The following NDUFAF2 variants were observed in gnomAD, a reference collection of about 807,000 sequenced individuals.
NDUFAF2 encodes the protein NADH:ubiquinone oxidoreductase complex assembly factor 2.
A neutral mutation model predicts 22.8 loss-of-function variants in NDUFAF2; 13 were observed. That is an observed-to-expected ratio of 0.57 (90% CI 0.37 to 0.91). The LOEUF (loss-of-function observed/expected upper bound fraction) is 0.91, where lower values mean the gene tolerates loss of function less well. Ranked by LOEUF, NDUFAF2 falls within the 40% of genes least tolerant of loss-of-function variation. The pLI is 0.01. For synonymous variants in NDUFAF2, 53 were observed against 64.2 expected, an observed-to-expected ratio of 0.83 and a Z score of 0.84; for missense variants, 162 against 195.2, an observed-to-expected ratio of 0.83 and a Z score of 1.01.
intron 3 of NDUFAF2, among the ~76,000 whole-genome samples, chr5:61,106,418 A>AC (rs1752763336): frequency 6.6e-6 from 1 of 151,318 alleles, no homozygotes; most frequent in African/African-American, 2.5e-5. Context: ...TTTTGTGGGT[A>AC]CTTAGTAGGT....
chr5:61,153,016 G>A lies in NDUFAF2; in HGVS notation c.*61G>A. 2 of 1,568,144 alleles carry A rather than the reference G, an allele frequency of 1.3e-6. No homozygotes were observed. Among genetic ancestry groups the A allele is most frequent in the East Asian group, 2.3e-5 (1 of 43,696 alleles). On this transcript the variant is annotated 3_prime_UTR_variant, in exon 4 of 4. Transcript: ENST00000296597. Reference sequence around the variant, plus strand: ...GTGACTATTTTAACAAATAAAAGAAGTGAAAAGTTATTTACCTTGTATTTT... The same window carrying A: ...GTGACTATTTTAACAAATAAAAGAAATGAAAAGTTATTTACCTTGTATTTT...
At chr5:60,963,658 A>G (rs1434363719) in intron 1 of NDUFAF2, among the ~76,000 whole-genome samples, 1 of 152,232 alleles carries the variant, frequency 6.6e-6, no homozygotes, top group Non-Finnish European at 1.5e-5. Context: ...ATACTATATT[A>G]ATAAGCAGAA....
At position 61,082,337 on chromosome 5, in the gene NDUFAF2, A is replaced by G. The variant is rs553006494; in HGVS notation, c.217+9123A>G. 2.0e-5 allele frequency among the ~76,000 whole-genome samples: 3 copies of G among 152,226 alleles called. No homozygotes were observed. The East Asian group carries it at 5.8e-4, about 29-fold the overall frequency. On this transcript the variant is annotated intron_variant, in intron 2 of 3. Transcript: ENST00000296597. ...GGTCTCAAACTCCTGGCCTCAAGCA[A>G]TCCTCCTGCCTCAGCCTCTTAAGAA...
At chr5:61,140,425 A>G (rs78319409) in intron 3 of NDUFAF2, among the ~76,000 whole-genome samples, 3,697 of 152,242 alleles carry the variant, frequency 0.024, 63 homozygotes, top group Non-Finnish European at 0.038. Flanking sequence ...TAGTTGCCAG[A>G]GTCATCTTTT....
rs768889484 is a variant in NDUFAF2 at position 61,035,424 on chromosome 5, G to GTTTTTTTT, written c.128-37680_128-37673dup. On this transcript the variant is annotated intron_variant, in intron 1 of 3. Transcript: ENST00000296597. ...GACAACTCTCTTTCTCTCTTGCTCTGTTTTTTTTTTTTTTTTTTTTTTTTT... is the reference window on the plus strand; with the variant it reads ...GACAACTCTCTTTCTCTCTTGCTCTGTTTTTTTTTTTTTTTTTTTTTTTTTTTTTTTTT... 3.7e-3 allele frequency among the ~76,000 whole-genome samples: 148 copies of GTTTTTTTT among 40,520 alleles called. 19 individuals carry two copies. Among genetic ancestry groups the GTTTTTTTT allele is most frequent in the Non-Finnish European group, 4.5e-3 (98 of 21,746 alleles). The allele number at this position is 40,520 out of a possible 152,430, so 26.6% of individuals were successfully genotyped here. A position where few individuals can be genotyped will look rare whatever the true frequency, so the allele number is the denominator to read the frequency against.
At chr5:61,008,235 T>C (rs1751397495) in intron 1 of NDUFAF2, among the ~76,000 whole-genome samples, 1 of 151,726 alleles carries the variant, frequency 6.6e-6, no homozygotes, top group Admixed American at 6.6e-5. Flanking sequence ...CGCACCAGCA[T>C]GGCACATGTA....
At chr5:60,987,576 T>C (rs1011874474) in intron 1 of NDUFAF2, among the ~76,000 whole-genome samples, 4 of 152,162 alleles carry the variant, frequency 2.6e-5, no homozygotes, top group Non-Finnish European at 5.9e-5. Context: ...ATCAAAATGG[T>C]AATCCACCAT....
At chr5:61,080,267 A>T (rs368704297) in intron 2 of NDUFAF2, among the ~76,000 whole-genome samples, 2 of 152,198 alleles carry the variant, frequency 1.3e-5, no homozygotes, top group African/African-American at 4.8e-5. Flanking sequence ...TTCACGTACA[A>T]ATCTGTGAAC....
At chr5:60,994,735 C>T (rs977826221) in intron 1 of NDUFAF2, among the ~76,000 whole-genome samples, 1 of 152,174 alleles carries the variant, frequency 6.6e-6, no homozygotes, top group African/African-American at 2.4e-5. Context: ...ATACCTTTCT[C>T]TAGGTTTGAG....
intron 1 of NDUFAF2, among the ~76,000 whole-genome samples, chr5:60,978,772 C>T (rs1043882113): frequency 5.9e-5 from 9 of 152,150 alleles, no homozygotes; most frequent in African/African-American, 2.2e-4. Flanking sequence ...CTGTACTATG[C>T]TGGGCTCGGA....
intron 3 of NDUFAF2, among the ~76,000 whole-genome samples, chr5:61,123,766 A>C (rs1753003066): frequency 6.6e-6 from 1 of 152,200 alleles, no homozygotes; most frequent in African/African-American, 2.4e-5. Context: ...GAAGGTGTAA[A>C]TGTGAATCTA....
intron 2 of NDUFAF2, among the ~76,000 whole-genome samples, chr5:61,083,789 A>G (rs1752473992): frequency 6.6e-6 from 1 of 151,648 alleles, no homozygotes; most frequent in Admixed American, 6.6e-5. Flanking sequence ...CAAATTATTC[A>G]TTGGTAATAC....
intron 3 of NDUFAF2, among the ~76,000 whole-genome samples, chr5:61,133,283 T>C (rs2111816073): frequency 6.6e-6 from 1 of 152,320 alleles, no homozygotes; most frequent in South Asian, 2.1e-4. Context: ...AAAAGTGTTT[T>C]GGGTCCAAAA....
rs375470112 is a variant in NDUFAF2, at chr5:61,040,292, G to A, written c.128-32833G>A. Among the ~76,000 whole-genome samples the A allele has an allele frequency of 4.7e-3, 439 of 93,696 alleles. 2 individuals carry two copies. Among genetic ancestry groups the A allele is most frequent in the Middle Eastern group, 0.017 (3 of 172 alleles). 61.5% of individuals were successfully genotyped at this position (93,696 alleles called of 152,430 possible). On this transcript the variant is annotated intron_variant, in intron 1 of 3. Coordinates refer to ENST00000296597, the MANE Select transcript of NDUFAF2 (RefSeq NM_174889.5). ...CACACACACACACACACACACGCGC[G>A]CGCGCGCGCGAAAGTTGAAAGCAGA...
chr5:61,024,149 T>C (rs1235220039), intron 1 of NDUFAF2, among the ~76,000 whole-genome samples: 1 of 152,172 alleles, frequency 6.6e-6, no homozygotes, highest in Non-Finnish European at 1.5e-5. Flanking sequence ...TATAAGAATT[T>C]TCTGTTTTTT....
chr5:61,120,846 A>G (rs960013763), intron 3 of NDUFAF2, among the ~76,000 whole-genome samples: 4 of 151,798 alleles, frequency 2.6e-5, no homozygotes, highest in African/African-American at 9.7e-5. Context: ...TTTTTGGTTT[A>G]TTTTTTTTAT....
chr5:61,065,160 TAGAA>T (rs374396692), intron 1 of NDUFAF2, among the ~76,000 whole-genome samples: 16 of 151,938 alleles, frequency 1.1e-4, no homozygotes, highest in African/African-American at 3.9e-4. Flanking sequence ...CAGGAAGAAA[TAGAA>T]AGCATGAATA....
chr5:60,947,658 C>T (rs1012371067), intron 1 of NDUFAF2, among the ~76,000 whole-genome samples: 3 of 150,680 alleles, frequency 2.0e-5, no homozygotes, highest in Non-Finnish European at 2.9e-5. Context: ...CCCAGCTAGT[C>T]GGGAGGCTAA....
At chr5:61,048,947 C>T (rs954495023) in intron 1 of NDUFAF2, among the ~76,000 whole-genome samples, 19 of 152,018 alleles carry the variant, frequency 1.2e-4, no homozygotes, top group Admixed American at 1.3e-4. Flanking sequence ...GGTTATGTCT[C>T]GTTGTTTTTG....
Sources: allele counts gnomAD v4.1 joint callset (sites outside exome capture counted in the v4.1 genomes callset), GRCh38; gene constraint gnomAD v4.1.1; transcripts MANE v1.5; gene names NCBI Gene and HGNC (gene_info 2026-07-23, HGNC 2026-07-21).